PTPRD: variants seen among roughly 807,000 people sequenced by gnomAD.
PTPRD encodes the protein receptor-type tyrosine-protein phosphatase delta.
Under a neutral mutation model 214.5 loss-of-function variants are expected in PTPRD, and 34 were observed. That is an observed-to-expected ratio of 0.16 (90% CI 0.12 to 0.21). PTPRD has a LOEUF of 0.21. PTPRD is among the 10% of genes least tolerant of loss of function. The probability of loss-of-function intolerance (pLI) is 1.00; values close to 1 mark genes in which losing one functional copy is unlikely to be tolerated. For missense variants in PTPRD, 2,545 were observed against 2,398.7 expected (o/e 1.06, Z -1.27); for synonymous variants, 1,128 against 845.7 (o/e 1.33, Z -5.79).
chr9:8,446,901 T>C (rs567426782), intron 34 of PTPRD, among the ~76,000 whole-genome samples: 3 of 152,190 alleles, frequency 2.0e-5, no homozygotes, highest in African/African-American at 7.2e-5. Context: ...TCTGCTCTCA[T>C]CCTATTGGCA....
chr9:10,027,939 G>A (rs150400719), intron 4 of PTPRD, among the ~76,000 whole-genome samples: 3 of 152,170 alleles, frequency 2.0e-5, no homozygotes, highest in African/African-American at 7.2e-5. Context: ...TGGCTTAAAA[G>A]TATATTGGAT....
intron 10 of PTPRD, among the ~76,000 whole-genome samples, chr9:9,057,133 T>C (rs2099697778): frequency 6.6e-6 from 1 of 152,188 alleles, no homozygotes; most frequent in South Asian, 2.1e-4. Context: ...TTATAGATAA[T>C]AATCTGATTG....
intron 11 of PTPRD, among the ~76,000 whole-genome samples, chr9:8,812,003 C>G (rs1292867769): frequency 6.6e-6 from 1 of 152,140 alleles, no homozygotes; most frequent in African/African-American, 2.4e-5. Context: ...AATTGTGAAA[C>G]ATTCCATAAA....
At chr9:8,759,024 G>A (rs1258483230) in intron 11 of PTPRD, among the ~76,000 whole-genome samples, 2 of 148,124 alleles carry the variant, frequency 1.4e-5, no homozygotes, top group African/African-American at 2.5e-5. Flanking sequence ...GGTGTTCTTT[G>A]GTTTTGGGTT....
intron 14 of PTPRD, 36 bp from the exon 15 acceptor site, chr9:8,528,815 T>C (rs1207927131): frequency 1.3e-6 from 2 of 1,596,132 alleles, no homozygotes; most frequent in Non-Finnish European, 1.7e-6. Context: ...ATTCAGTTAA[T>C]AAGTCAGATG....
chr9:10,225,344 T>A (rs2099585352), intron 3 of PTPRD, among the ~76,000 whole-genome samples: 3 of 152,056 alleles, frequency 2.0e-5, no homozygotes, highest in Admixed American at 2.0e-4. Flanking sequence ...ACACCGTAAT[T>A]TGTTTCCTAA....
chr9:9,948,271 C>G (rs746019198), intron 4 of PTPRD, among the ~76,000 whole-genome samples: 2 of 152,038 alleles, frequency 1.3e-5, no homozygotes, highest in African/African-American at 2.4e-5. Flanking sequence ...TCTATCAACA[C>G]GACTTTCACT....
intron 5 of PTPRD, among the ~76,000 whole-genome samples, chr9:9,840,072 C>G (rs991030332): frequency 2.6e-5 from 4 of 152,040 alleles, no homozygotes; most frequent in African/African-American, 9.7e-5. Flanking sequence ...GAGTCTCGCT[C>G]TGTCACCCAG....
At chr9:9,452,794 T>C (rs965628587) in intron 8 of PTPRD, among the ~76,000 whole-genome samples, 1 of 151,460 alleles carries the variant, frequency 6.6e-6, no homozygotes, top group Non-Finnish European at 1.5e-5. Flanking sequence ...ATTTGCTTAA[T>C]ATTTACAATG....
chr9:8,467,576 A>G (rs1300311089), intron 31 of PTPRD, among the ~76,000 whole-genome samples: 1 of 151,856 alleles, frequency 6.6e-6, no homozygotes, highest in African/African-American at 2.4e-5. Context: ...ACTGAAATAA[A>G]ATGAAATTCC....
intron 2 of PTPRD, among the ~76,000 whole-genome samples, chr9:10,499,517 C>T (rs1287922800): frequency 6.6e-6 from 1 of 151,906 alleles, no homozygotes; most frequent in East Asian, 1.9e-4. Context: ...TGTGAGGCTG[C>T]TGTCAAATGT....
intron 8 of PTPRD, among the ~76,000 whole-genome samples, chr9:9,404,508 G>A (rs1460394991): frequency 6.6e-6 from 1 of 152,012 alleles, no homozygotes; most frequent in African/African-American, 2.4e-5. Context: ...GTAACTAAGT[G>A]GATATTAGTG....
intron 2 of PTPRD, among the ~76,000 whole-genome samples, chr9:10,573,158 C>T (rs1320793839): frequency 6.6e-6 from 1 of 152,114 alleles, no homozygotes; most frequent in Non-Finnish European, 1.5e-5. Context: ...AAAAATAGAA[C>T]AAGATTCTCA....
chr9:8,415,727 C>T (rs1465194492), intron 35 of PTPRD, among the ~76,000 whole-genome samples: 1 of 152,022 alleles, frequency 6.6e-6, no homozygotes, highest in African/African-American at 2.4e-5. Flanking sequence ...AAGCAAGCCA[C>T]AGACATGCAG....
At chr9:10,190,475 T>C (rs536648233) in intron 3 of PTPRD, among the ~76,000 whole-genome samples, 1 of 147,162 alleles carries the variant, frequency 6.8e-6, no homozygotes, top group South Asian at 2.2e-4. Context: ...CCCAGTACTT[T>C]GTGAGGCCGA....
At chr9:10,291,719 A>C (rs1288933464) in intron 3 of PTPRD, among the ~76,000 whole-genome samples, 2 of 152,094 alleles carry the variant, frequency 1.3e-5, no homozygotes, top group Admixed American at 1.3e-4. Flanking sequence ...TCACACAGTG[A>C]AACTTATTTC....
intron 4 of PTPRD, among the ~76,000 whole-genome samples, chr9:9,946,318 A>T (rs1050855041): frequency 6.6e-5 from 10 of 152,286 alleles, no homozygotes; most frequent in East Asian, 5.8e-4. Flanking sequence ...GTGGACAATT[A>T]ATCATGTTAC....
At chr9:8,536,524 T>C (rs1593066326) in intron 14 of PTPRD, among the ~76,000 whole-genome samples, 1 of 152,108 alleles carries the variant, frequency 6.6e-6, no homozygotes, top group African/African-American at 2.4e-5. Context: ...AGAGACAGAA[T>C]TCTGCCATGT....
intron 14 of PTPRD, among the ~76,000 whole-genome samples, chr9:8,548,627 C>T (rs1263253980): frequency 6.6e-6 from 1 of 151,128 alleles, no homozygotes. Flanking sequence ...CTCGTCCTCC[C>T]AAAGTGCTGG....
Sources: gnomAD v4.1 joint callset for allele counts (sites outside exome capture counted in the v4.1 genomes callset) on GRCh38, gnomAD v4.1.1 for gene constraint, MANE v1.5 for transcripts, NCBI Gene and HGNC (gene_info 2026-07-23, HGNC 2026-07-21) for gene names.